The following WLS variants were observed in gnomAD, a reference collection of about 807,000 sequenced individuals.
WLS encodes Wnt ligand secretion mediator.
Under a neutral mutation model 62.8 loss-of-function variants are expected in WLS, and 23 were observed. The observed-to-expected ratio is 0.37, with a 90% CI of 0.26 to 0.52. The LOEUF (loss-of-function observed/expected upper bound fraction) is 0.52. Among genes scored for constraint, WLS ranks in the 20% least tolerant of loss-of-function variants. The pLI, the probability that WLS is intolerant of heterozygous loss-of-function variation, is 0.92. For synonymous variants in WLS, 246 were observed against 244.1 expected, an observed-to-expected ratio of 1.01 and a Z score of -0.07; for missense variants, 615 against 697.3, an observed-to-expected ratio of 0.88 and a Z score of 1.33.
intron 1 of WLS, among the ~76,000 whole-genome samples, chr1:68,199,945 C>G (rs1648909635): frequency 6.6e-6 from 1 of 152,056 alleles, no homozygotes; most frequent in Non-Finnish European, 1.5e-5. Flanking sequence ...GTAATAATAG[C>G]CTTCCTCTAA....
chr1:68,213,774 C>T (rs1045679917), intron 1 of WLS, among the ~76,000 whole-genome samples: 2 of 152,128 alleles, frequency 1.3e-5, no homozygotes, highest in Admixed American at 6.5e-5. Flanking sequence ...ATCTTGTCTT[C>T]CCAAATTTAA....
intron 10 of WLS, among the ~76,000 whole-genome samples, chr1:68,138,824 T>C (rs567239299): frequency 6.6e-6 from 1 of 152,318 alleles, no homozygotes; most frequent in African/African-American, 2.4e-5. Context: ...AAGAAAGTAT[T>C]GGGTAAATAT....
chr1:68,187,157 C>A (rs1352907366), intron 2 of WLS, among the ~76,000 whole-genome samples: 1 of 133,952 alleles, frequency 7.5e-6, no homozygotes, highest in East Asian at 2.3e-4. Context: ...CCACTGCACT[C>A]CAGCCTGGGG....
chr1:68,185,094 C>T (rs1376185213), intron 2 of WLS, among the ~76,000 whole-genome samples: 1 of 152,172 alleles, frequency 6.6e-6, no homozygotes, highest in African/African-American at 2.4e-5. Flanking sequence ...ACTTCCACAG[C>T]AGACATCAGC....
intron 11 of WLS, among the ~76,000 whole-genome samples, chr1:68,109,378 T>C (rs1198887025): frequency 6.6e-6 from 1 of 152,110 alleles, no homozygotes; most frequent in Admixed American, 6.5e-5. Flanking sequence ...TGAAATATAA[T>C]CAAACACACA....
chr1:68,192,617 T>C (rs1648378391), intron 2 of WLS, among the ~76,000 whole-genome samples: 2 of 149,786 alleles, frequency 1.3e-5, no homozygotes, highest in Non-Finnish European at 3.0e-5. Context: ...AAAATTAGCG[T>C]GCCTGTAGTC....
intron 9 of WLS, 91 bp downstream of exon 9, chr1:68,145,778 G>A: frequency 6.5e-7 from 1 of 1,527,620 alleles, no homozygotes; most frequent in African/African-American, 1.4e-5. Flanking sequence ...TCAAAGTAAA[G>A]GCTTTCTATC....
intron 11 of WLS, among the ~76,000 whole-genome samples, chr1:68,110,689 CT>C (rs1458736090): frequency 2.9e-5 from 4 of 140,054 alleles, no homozygotes; most frequent in Non-Finnish European, 6.3e-5. Context: ...CTCTCTCTCT[CT>C]CCATATATAT....
chr1:68,157,159 C>A (rs1370351709), intron 3 of WLS, among the ~76,000 whole-genome samples: 1 of 152,180 alleles, frequency 6.6e-6, no homozygotes, highest in African/African-American at 2.4e-5. Flanking sequence ...TGACCATGTT[C>A]CTTGCTGGGT....
At chr1:68,194,754 T>C (rs1444022382) in intron 1 of WLS, among the ~76,000 whole-genome samples, 1 of 152,186 alleles carries the variant, frequency 6.6e-6, no homozygotes, top group Non-Finnish European at 1.5e-5. Context: ...TTGTACAACA[T>C]TGCTTTTGCT....
At chr1:68,123,762 T>C (rs1269983193), downstream of WLS, among the ~76,000 whole-genome samples, 1 of 152,158 alleles carries the variant, frequency 6.6e-6, no homozygotes, top group Non-Finnish European at 1.5e-5. Flanking sequence ...CTAAGACTCC[T>C]GTTTTTAAGT....
intron 4 of WLS, among the ~76,000 whole-genome samples, chr1:68,154,327 T>C (rs1342790696): frequency 6.6e-6 from 1 of 152,230 alleles, no homozygotes; most frequent in Non-Finnish European, 1.5e-5. Flanking sequence ...ATTTTTTTTG[T>C]AAGCTTTTCA....
intron 1 of WLS, among the ~76,000 whole-genome samples, chr1:68,197,386 G>A (rs1400055290): frequency 6.6e-6 from 1 of 152,140 alleles, no homozygotes; most frequent in Non-Finnish European, 1.5e-5. Flanking sequence ...GAAGCCTCAA[G>A]TGCATCTCAA....
chr1:68,194,666 G>A (rs1161916329), intron 1 of WLS, among the ~76,000 whole-genome samples: 1 of 152,206 alleles, frequency 6.6e-6, no homozygotes, highest in South Asian at 2.1e-4. Context: ...TCTTGGGTAA[G>A]TCAGTTAAAT....
intron 1 of WLS, among the ~76,000 whole-genome samples, chr1:68,207,710 A>G (rs540366525): frequency 6.6e-6 from 1 of 152,364 alleles, no homozygotes; most frequent in Admixed American, 6.5e-5. Flanking sequence ...CTCACTAGCA[A>G]TTTAGTGGGG....
intron 1 of WLS, among the ~76,000 whole-genome samples, chr1:68,215,372 A>G (rs1400077519): frequency 2.0e-5 from 3 of 152,228 alleles, no homozygotes; most frequent in African/African-American, 7.2e-5. Flanking sequence ...TACCATTACT[A>G]TCAATCAACG....
In WLS at chr1:68,228,887, G is replaced by GT. The variant is rs1236946364; in HGVS notation, c.106+3306dup. Among the ~76,000 whole-genome samples, 114 of 87,396 alleles carry GT rather than the reference G, an allele frequency of 1.3e-3. 1 individual carries two copies. Among genetic ancestry groups the GT allele is most frequent in the African/African-American group, 2.9e-3 (69 of 23,714 alleles). The allele number at this position is 87,396 out of a possible 152,430, so 57.3% of individuals were successfully genotyped here. A position where few individuals can be genotyped will look rare whatever the true frequency, so the allele number is the denominator to read the frequency against. On this transcript the variant is annotated intron_variant, in intron 1 of 11. Transcript: ENST00000262348. ...AAAAAAAAAGCAAGCAAAAAAATGTGTTTTTTTTTGTTTTTTTTTTTTTTT... is the reference window on the plus strand; with the variant it reads ...AAAAAAAAAGCAAGCAAAAAAATGTGTTTTTTTTTTGTTTTTTTTTTTTTTT...
chr1:68,150,008 GT>G (rs990161730), intron 6 of WLS, among the ~76,000 whole-genome samples, 179 bp downstream of exon 6: 4 of 152,190 alleles, frequency 2.6e-5, no homozygotes, highest in African/African-American at 9.7e-5. Context: ...CACTCAGCTG[GT>G]CAGCAGGTGG....
chr1:68,146,270 T>G (rs2100453073), intron 8 of WLS, among the ~76,000 whole-genome samples: 1 of 152,322 alleles, frequency 6.6e-6, no homozygotes, highest in South Asian at 2.1e-4. Context: ...TTGTTAGAAA[T>G]GAAGAATCTA....
Sources: allele counts gnomAD v4.1 joint callset (sites outside exome capture counted in the v4.1 genomes callset), GRCh38; gene constraint gnomAD v4.1.1; transcripts MANE v1.5; gene names NCBI Gene and HGNC (gene_info 2026-07-23, HGNC 2026-07-21).